Variants in POT1 observed in about 807,000 individuals in gnomAD.
POT1 encodes the protein protection of telomeres 1.
A neutral mutation model predicts 78.5 loss-of-function variants in POT1; 47 were observed. The ratio of observed to expected loss-of-function variants is 0.60; its 90% CI spans 0.47 to 0.76. The LOEUF (loss-of-function observed/expected upper bound fraction) is 0.76, where lower values mean the gene tolerates loss of function less well. POT1 is among the 30% of genes least tolerant of loss of function. POT1 has a pLI of 0.00. For missense variants in POT1, 646 were observed against 749.9 expected, an observed-to-expected ratio of 0.86 and a Z score of 1.62; for synonymous variants, 259 against 260.7, an observed-to-expected ratio of 0.99 and a Z score of 0.06.
Position 124,825,268 on chromosome 7 carries a change from A to T in POT1, c.1776T>A (p.Pro592=). 6.2e-7 allele frequency: 1 copy of T among 1,605,792 alleles called. No individual in the cohort carries two copies. The highest frequency in any genetic ancestry group is 8.5e-7 in the Non-Finnish European group (1 of 1,175,806). Residue 592 remains proline (P), a synonymous_variant, in exon 18 of 19, where the codon CCT becomes CCA. Coordinates refer to ENST00000357628, the MANE Select transcript of POT1 (RefSeq NM_015450.3). ...CTTGCCTACCAATTTTTATTCCTGG[A>T]GGACAAAACATATCCATGATCATAT... ...SVDMIMDMFC[P]PGIKIDAYPW... is the part of the protein sequence containing the mutation.
chr7:124,827,157 C>A, intron 17 of POT1, 57 bp downstream of exon 17: 3 of 1,039,244 alleles, frequency 2.9e-6, no homozygotes, highest in South Asian at 2.5e-5. Context: ...TAAATGTATT[C>A]AATTTTTTAA....
intron 6 of POT1, among the ~76,000 whole-genome samples, chr7:124,872,997 T>C (rs1028149255): frequency 6.6e-6 from 1 of 152,230 alleles, no homozygotes; most frequent in Non-Finnish European, 1.5e-5. Flanking sequence ...GAAATGTCTA[T>C]TCAGGTCCTT....
intron 15 of POT1, among the ~76,000 whole-genome samples, chr7:124,831,066 C>T (rs1418494103): frequency 6.6e-6 from 1 of 152,106 alleles, no homozygotes; most frequent in Non-Finnish European, 1.5e-5. Context: ...TGCTTAAACA[C>T]ACTAGACATC....
chr7:124,877,359 C>T (rs1329844797), intron 6 of POT1, among the ~76,000 whole-genome samples: 1 of 152,054 alleles, frequency 6.6e-6, no homozygotes, highest in East Asian at 1.9e-4. Context: ...TTTACCTCCA[C>T]AGTATCTTTC....
intron 12 of POT1, among the ~76,000 whole-genome samples, chr7:124,845,384 T>G (rs1795139486): frequency 1.3e-5 from 2 of 152,208 alleles, no homozygotes. Flanking sequence ...AACACCAATT[T>G]GGGTGTTGTC....
chr7:124,836,393 T>C (rs1202772128), intron 14 of POT1, among the ~76,000 whole-genome samples: 2 of 152,156 alleles, frequency 1.3e-5, no homozygotes, highest in Non-Finnish European at 2.9e-5. Flanking sequence ...TGCAGCTAGA[T>C]AGAAACTCTC....
chr7:124,918,344 GA>G (rs1241092269), intron 2 of POT1, among the ~76,000 whole-genome samples: 1 of 152,180 alleles, frequency 6.6e-6, no homozygotes, highest in African/African-American at 2.4e-5. Flanking sequence ...ACACTTCCTA[GA>G]GGGGGGACCA....
At chr7:124,897,057 T>C (rs573337975) in intron 5 of POT1, 108 bp downstream of exon 5, 108 of 562,816 alleles carry the variant, frequency 1.9e-4, no homozygotes, top group African/African-American at 1.9e-3. Flanking sequence ...TGATAATATA[T>C]CAATATCAGA....
intron 13 of POT1, among the ~76,000 whole-genome samples, 160 bp from the exon 14 acceptor site, chr7:124,841,338 G>A (rs1456903489): frequency 6.6e-6 from 1 of 151,906 alleles, no homozygotes; most frequent in African/African-American, 2.4e-5. Flanking sequence ...TCACTTTGCA[G>A]AACAAATAAC....
chr7:124,861,937 G>A lies in POT1; in HGVS notation c.546+1413C>T, dbSNP rs576760403. On this transcript the variant is annotated intron_variant, in intron 8 of 18. Transcript: ENST00000357628. ...GTAGATGTGTGGCGTTATTTCTGAGGCCTCTGTTCCGTTCCACTGGTCCAT... is the reference window on the plus strand; with the variant it reads ...GTAGATGTGTGGCGTTATTTCTGAGACCTCTGTTCCGTTCCACTGGTCCAT... Among the ~76,000 whole-genome samples, 7 of 152,182 alleles carry A rather than the reference G, an allele frequency of 4.6e-5. No homozygotes were observed. In the East Asian group the frequency reaches 1.4e-3, roughly 29 times the overall value.
intron 6 of POT1, among the ~76,000 whole-genome samples, chr7:124,884,635 T>C (rs1796200824): frequency 6.6e-6 from 1 of 152,052 alleles, no homozygotes; most frequent in African/African-American, 2.4e-5. Flanking sequence ...ACTCAAAATT[T>C]GAGGAAAGAA....
At chr7:124,922,496 A>T (rs532835689) in intron 2 of POT1, among the ~76,000 whole-genome samples, 1 of 152,032 alleles carries the variant, frequency 6.6e-6, no homozygotes, top group Non-Finnish European at 1.5e-5. Flanking sequence ...TTTCACTATT[A>T]TAAGATTCTT....
chr7:124,827,885 T>A (rs1027446040), intron 16 of POT1, among the ~76,000 whole-genome samples: 3 of 151,734 alleles, frequency 2.0e-5, no homozygotes, highest in Middle Eastern at 3.2e-3. Flanking sequence ...CCAAAAAAAA[T>A]AGCTAGGCTT....
At chr7:124,886,000 G>C (rs1811386746) in intron 6 of POT1, among the ~76,000 whole-genome samples, 2 of 152,026 alleles carry the variant, frequency 1.3e-5, no homozygotes, top group Non-Finnish European at 2.9e-5. Flanking sequence ...CTCCAAAGGT[G>C]AATATGAACT....
chr7:124,829,010 G>A (rs1420511786), intron 16 of POT1: 4 of 700,494 alleles, frequency 5.7e-6, no homozygotes, highest in Non-Finnish European at 1.1e-5. Context: ...AATGCTTACT[G>A]AGGAGGAAAA....
At chr7:124,898,799 A>T (rs1796552975) in intron 3 of POT1, among the ~76,000 whole-genome samples, 1 of 152,148 alleles carries the variant, frequency 6.6e-6, no homozygotes, top group South Asian at 2.1e-4. Flanking sequence ...ATACAAATAC[A>T]GGGCATGGAC....
At chr7:124,868,881 T>C (rs1302545809) in intron 7 of POT1, among the ~76,000 whole-genome samples, 2 of 151,668 alleles carry the variant, frequency 1.3e-5, no homozygotes, top group African/African-American at 2.4e-5. Flanking sequence ...TTAAGAATTA[T>C]TTATAAACTT....
At chr7:124,833,441 T>C (rs1019529579) in intron 15 of POT1, among the ~76,000 whole-genome samples, 6 of 152,214 alleles carry the variant, frequency 3.9e-5, no homozygotes, top group African/African-American at 1.4e-4. Context: ...TGATAAAACA[T>C]ATGTTATAAT....
intron 6 of POT1, among the ~76,000 whole-genome samples, chr7:124,872,345 T>C (rs970933677): frequency 6.6e-6 from 1 of 152,220 alleles, no homozygotes; most frequent in Non-Finnish European, 1.5e-5. Context: ...TAGTACTCCC[T>C]ATCTGAAGTG....
Sources: allele counts gnomAD v4.1 joint callset (sites outside exome capture counted in the v4.1 genomes callset), GRCh38; gene constraint gnomAD v4.1.1; transcripts MANE v1.5; gene names NCBI Gene and HGNC (gene_info 2026-07-23, HGNC 2026-07-21).